ERBB4: variants seen among roughly 807,000 people sequenced by gnomAD.
ERBB4 encodes erb-b2 receptor tyrosine kinase 4.
A neutral mutation model predicts 158.0 loss-of-function variants in ERBB4; 42 were observed. The observed-to-expected ratio is 0.27, with a 90% CI of 0.21 to 0.34. The LOEUF (loss-of-function observed/expected upper bound fraction) is 0.34, where lower values mean the gene tolerates loss of function less well. Ranked by LOEUF, ERBB4 falls within the 10% of genes least tolerant of loss-of-function variation. The pLI is 1.00. For synonymous variants in ERBB4, 583 were observed against 558.7 expected (o/e 1.04, Z -0.61); for missense variants, 1,333 against 1,624.1 (o/e 0.82, Z 3.08).
intron 1 of ERBB4, among the ~76,000 whole-genome samples, chr2:212,500,514 T>G (rs1575036480): frequency 6.6e-6 from 1 of 152,096 alleles, no homozygotes; most frequent in Non-Finnish European, 1.5e-5. Context: ...ACATTTAATT[T>G]TTTTTTTCAT....
chr2:211,581,066 T>A (rs1196361230), intron 19 of ERBB4, among the ~76,000 whole-genome samples: 1 of 150,322 alleles, frequency 6.7e-6, no homozygotes, highest in Admixed American at 6.7e-5. Context: ...ACCTAAGCTA[T>A]GGGGATGCAA....
intron 19 of ERBB4, among the ~76,000 whole-genome samples, chr2:211,595,093 G>GT (rs2068591523): frequency 6.6e-6 from 1 of 152,018 alleles, no homozygotes; most frequent in African/African-American, 2.4e-5. Context: ...TAATAAATTT[G>GT]TTTGAGAATA....
intron 1 of ERBB4, among the ~76,000 whole-genome samples, chr2:212,344,830 T>C (rs1382079463): frequency 1.3e-5 from 2 of 152,118 alleles, no homozygotes; most frequent in African/African-American, 2.4e-5. Context: ...AAATCTAATT[T>C]TGGCAATTAC....
At chr2:212,012,295 A>C (rs1417127014) in intron 2 of ERBB4, among the ~76,000 whole-genome samples, 1 of 152,076 alleles carries the variant, frequency 6.6e-6, no homozygotes, top group Non-Finnish European at 1.5e-5. Context: ...CCAAAAAGTC[A>C]TTGTTTATTT....
At position 211,536,063 on chromosome 2, in the gene ERBB4, T is replaced by C. The variant is rs184289983; in HGVS notation, c.2487+25840A>G. Reference sequence around the variant, plus strand: ...TAGGCCATATTTAATATTTCTAAGCTATATAATGTTAAACAATCATCTCTA... The same window carrying C: ...TAGGCCATATTTAATATTTCTAAGCCATATAATGTTAAACAATCATCTCTA... On this transcript the variant is annotated intron_variant, in intron 20 of 27. Coordinates refer to ENST00000342788, the MANE Select transcript of ERBB4 (RefSeq NM_005235.3). Among the ~76,000 whole-genome samples the C allele has an allele frequency of 2.6e-3, 395 of 152,188 alleles. 2 individuals are homozygous for C. The highest frequency in any genetic ancestry group is 3.9e-3 in the Non-Finnish European group (267 of 68,000).
intron 1 of ERBB4, among the ~76,000 whole-genome samples, chr2:212,257,877 G>A (rs2084798344): frequency 6.6e-6 from 1 of 151,884 alleles, no homozygotes; most frequent in African/African-American, 2.4e-5. Context: ...TGGTCTAATG[G>A]TTAAGTGACT....
intron 1 of ERBB4, among the ~76,000 whole-genome samples, chr2:212,428,497 T>C (rs1038301630): frequency 2.6e-5 from 4 of 151,496 alleles, no homozygotes; most frequent in Non-Finnish European, 5.9e-5. Flanking sequence ...GGTGAAATGA[T>C]AGTTGTCCAG....
chr2:211,818,436 G>A (rs868625360), intron 3 of ERBB4, among the ~76,000 whole-genome samples: 1 of 152,080 alleles, frequency 6.6e-6, no homozygotes, highest in Non-Finnish European at 1.5e-5. Flanking sequence ...AAGGAGATAC[G>A]TTAGCTGGGT....
chr2:211,955,016 G>A (rs558272613), intron 2 of ERBB4, among the ~76,000 whole-genome samples: 1 of 152,014 alleles, frequency 6.6e-6, no homozygotes, highest in South Asian at 2.1e-4. Flanking sequence ...ACCCTGGCAA[G>A]GAGGGACTCA....
chr2:211,835,296 G>T, intron 3 of ERBB4, among the ~76,000 whole-genome samples: 1 of 134,120 alleles, frequency 7.5e-6, no homozygotes, highest in East Asian at 2.3e-4. Flanking sequence ...ATTTAGAAAT[G>T]CATGGCTCCA....
intron 1 of ERBB4, among the ~76,000 whole-genome samples, chr2:212,206,439 T>C (rs1354248842): frequency 6.6e-6 from 1 of 152,174 alleles, no homozygotes; most frequent in Non-Finnish European, 1.5e-5. Context: ...GATTAAATGA[T>C]GTAATGCATG....
In ERBB4 at chr2:211,560,243, T is replaced by C. The variant is rs73075182; in HGVS notation, c.2487+1660A>G. 6.9e-3 allele frequency among the ~76,000 whole-genome samples: 924 copies of C among 133,852 alleles called. 7 individuals carry two copies. Among genetic ancestry groups the C allele is most frequent in the African/African-American group, 0.024 (876 of 36,802 alleles). 87.8% of individuals were successfully genotyped at this position (133,852 alleles called of 152,430 possible). ...ACACAGCAGAAAATACAGACAGCAC[T>C]AACAAATTTGAAGCTTAGCTTTTTT... On this transcript the variant is annotated intron_variant, in intron 20 of 27. Coordinates refer to ENST00000342788, the MANE Select transcript of ERBB4 (RefSeq NM_005235.3).
At position 211,630,582 on chromosome 2, in the gene ERBB4, A is replaced by T. The variant is rs1371876313; in HGVS notation, c.1959T>A (p.Ile653=). ...AGAGCCCACCAATTACTCCAGCTGC[A>T]ATCAGGGGAGTTCTGACAACCAGAA... ...TLPQHARTPL[I]AAGVIGGLFI... The change falls in exon 17 of 28, where the codon ATT becomes ATA. Residue 653 remains isoleucine (I), a synonymous_variant. Coordinates refer to ENST00000342788, the MANE Select transcript of ERBB4 (RefSeq NM_005235.3). 2 of 1,613,124 alleles carry T rather than the reference A, an allele frequency of 1.2e-6. No homozygotes were observed. The highest frequency in any genetic ancestry group is 2.2e-5 in the South Asian group (2 of 91,062).
intron 4 of ERBB4, among the ~76,000 whole-genome samples, chr2:211,763,173 G>A (rs2075457853): frequency 6.6e-6 from 1 of 152,034 alleles, no homozygotes; most frequent in Non-Finnish European, 1.5e-5. Flanking sequence ...TCCCATATTT[G>A]TACATTTTAT....
chr2:212,001,908 T>C (rs1353134191), intron 2 of ERBB4, among the ~76,000 whole-genome samples: 1 of 152,204 alleles, frequency 6.6e-6, no homozygotes, highest in Admixed American at 6.5e-5. Flanking sequence ...GTAAACAAGA[T>C]AAATTTAGCT....
At chr2:212,262,059 T>C (rs763173452) in intron 1 of ERBB4, among the ~76,000 whole-genome samples, 3 of 152,186 alleles carry the variant, frequency 2.0e-5, no homozygotes, top group Non-Finnish European at 4.4e-5. Flanking sequence ...AAATTATTGA[T>C]TAACTGATAT....
chr2:212,069,348 G>C (rs2078040597), intron 2 of ERBB4, among the ~76,000 whole-genome samples: 1 of 151,948 alleles, frequency 6.6e-6, no homozygotes, highest in Non-Finnish European at 1.5e-5. Context: ...GGTACAGAAA[G>C]AGCATTTAAG....
chr2:211,812,823 G>C (rs1323151634), intron 3 of ERBB4, among the ~76,000 whole-genome samples: 2 of 152,218 alleles, frequency 1.3e-5, no homozygotes, highest in South Asian at 2.1e-4. Flanking sequence ...AGTGAGCATG[G>C]CTCTGTGGGC....
chr2:212,039,738 G>A (rs1393528902), intron 2 of ERBB4, among the ~76,000 whole-genome samples: 1 of 152,094 alleles, frequency 6.6e-6, no homozygotes, highest in East Asian at 1.9e-4. Context: ...GGGAAAATAA[G>A]GTTCAGAGAG....
Sources: allele counts gnomAD v4.1 joint callset (sites outside exome capture counted in the v4.1 genomes callset), GRCh38; gene constraint gnomAD v4.1.1; transcripts MANE v1.5; gene names NCBI Gene and HGNC (gene_info 2026-07-23, HGNC 2026-07-21).